The following KNG1 variants were observed in gnomAD, a reference collection of about 807,000 sequenced individuals.
The protein encoded by KNG1 is kininogen 1.
KNG1 carries 23 observed loss-of-function variants against 47.8 expected under a neutral mutation model. That is an observed-to-expected ratio of 0.48 (90% CI 0.35 to 0.68). The LOEUF is 0.68. Among genes scored for constraint, KNG1 ranks in the 30% least tolerant of loss-of-function variants. The pLI is 0.01. For synonymous variants in KNG1, 277 were observed against 277.0 expected (o/e 1.00, Z 0.00); for missense variants, 762 against 790.2 (o/e 0.96, Z 0.43).
intron 7 of KNG1, chr3:186,738,892 C>A: frequency 1.9e-6 from 1 of 536,992 alleles, no homozygotes; most frequent in Non-Finnish European, 3.3e-6. Context: ...TTTCTTCCCC[C>A]ACTTAGAAAA....
In KNG1 at chr3:186,730,725, CACACATATATATAT is replaced by C. The variant is rs71167006; in HGVS notation, c.673-786_673-773del. Among the ~76,000 whole-genome samples, 93 of 45,854 alleles carry C rather than the reference CACACATATATATAT, an allele frequency of 2.0e-3. 1 individual carries two copies. The highest frequency in any genetic ancestry group is 4.8e-3 in the South Asian group (5 of 1,046). 30.1% of individuals were successfully genotyped at this position (45,854 alleles called of 152,430 possible). A position where few individuals can be genotyped will look rare whatever the true frequency, so the allele number is the denominator to read the frequency against. ...ATATATATATATATATACACACACA[CACACATATATATAT>C]ACACATATATATATACACATATATA... On this transcript the variant is annotated intron_variant, in intron 5 of 9. Transcript: ENST00000644859.
rs769517209 is a variant in KNG1 at position 186,741,838 on chromosome 3, A to C, written c.1442A>C (p.Asp481Ala). The C allele has an allele frequency of 1.9e-6, 3 of 1,613,776 alleles. No individual in the cohort carries two copies. The South Asian group carries it at 3.3e-5, about 18-fold the overall frequency. ...CATGGACATAAGTTCAAACTTGATGATGATCTTGAACACCAAGGGGGCCAT... is the reference window on the plus strand; with the variant it reads ...CATGGACATAAGTTCAAACTTGATGCTGATCTTGAACACCAAGGGGGCCAT... The part of the protein sequence containing the change: ...LGHGHKFKLD[D>A]DLEHQGGHVL... Residue 481 changes from aspartate (D) to alanine (A), a missense_variant, in exon 10 of 10, where the codon GAT becomes GCT. By Grantham distance (126) the Asp-to-Ala change is moderately radical. Coordinates refer to ENST00000644859, the MANE Select transcript of KNG1 (RefSeq NM_001102416.3).
At chr3:186,732,972 G>A (rs5030047) in intron 7 of KNG1, among the ~76,000 whole-genome samples, 51,291 of 152,032 alleles carry the variant, frequency 0.34, 8,834 homozygotes, top group Middle Eastern at 0.42. Flanking sequence ...TAGCAGCTGG[G>A]CGCGGTGGCT....
At chr3:186,731,227 C>T (rs1361710584) in intron 5 of KNG1, among the ~76,000 whole-genome samples, 1 of 152,032 alleles carries the variant, frequency 6.6e-6, no homozygotes, top group Non-Finnish European at 1.5e-5. Context: ...AACTGTAATA[C>T]ATTGATTTGG....
At position 186,733,686 on chromosome 3, in the gene KNG1, T is replaced by C. The variant is rs5030053; in HGVS notation, c.930+1012T>C. ...TGACTGTATTAGAAGAGCCTACATT[T>C]TGCCGGGCAGAGTGCCTCATGCCTA... On this transcript the variant is annotated intron_variant, in intron 7 of 9. Coordinates refer to ENST00000644859, the MANE Select transcript of KNG1 (RefSeq NM_001102416.3). Among the ~76,000 whole-genome samples the C allele has an allele frequency of 2.5e-3, 383 of 152,216 alleles. 1 individual carries two copies. The highest frequency in any genetic ancestry group is 9.0e-3 in the African/African-American group (372 of 41,538).
In KNG1 at chr3:186,744,008, CAG is replaced by C; in HGVS notation, c.*1682_*1683del. On this transcript the variant is annotated 3_prime_UTR_variant, in exon 10 of 10. Coordinates refer to ENST00000644859, the MANE Select transcript of KNG1 (RefSeq NM_001102416.3). ...CATTCTGCAGCAAATTCCAGCTGGT[CAG>C]AGAGTCAGTGCTGTGGCTCTGCCAT... The C allele has an allele frequency of 1.2e-5, 7 of 587,160 alleles. No individual in the cohort carries two copies. Among genetic ancestry groups the C allele is most frequent in the Non-Finnish European group, 2.2e-5 (7 of 320,820 alleles). The allele number at this position is 587,160 out of a possible 1,614,324, so 36.4% of individuals were successfully genotyped here.
rs756118024 is a variant in KNG1, at chr3:186,741,567, T to A, written c.1171T>A (p.Ser391Thr). The A allele has an allele frequency of 4.2e-5, 68 of 1,610,506 alleles. No homozygotes were observed. In the Admixed American group the frequency reaches 1.1e-3, roughly 26 times the overall value. ...RPPGFSPFRS[S>T]RIGEIKEETT... ...TCCAGGTTTTTCACCTTTCCGATCA[T>A]CACGAATAGGGGAAATAAAAGAAGA... Residue 391 changes from serine (S) to threonine (T), a missense_variant, in exon 10 of 10, where the codon TCA becomes ACA. Physicochemically the swap from Ser to Thr is moderately conservative, Grantham distance 58. Transcript: ENST00000644859.
rs1289302020 is a variant in KNG1, at chr3:186,743,734, T to C, written c.*1403T>C. Reference sequence around the variant, plus strand: ...ACCTAAGGTCCTGCGAGTACAAGGGTCGACCCCCAAAGGCAGGGGCAGAGC... The same window carrying C: ...ACCTAAGGTCCTGCGAGTACAAGGGCCGACCCCCAAAGGCAGGGGCAGAGC... On this transcript the variant is annotated 3_prime_UTR_variant, in exon 10 of 10. Transcript: ENST00000644859. The C allele has an allele frequency of 1.9e-6, 3 of 1,613,890 alleles. No individual in the cohort carries two copies. In the African/African-American group the frequency reaches 4.0e-5, roughly 22 times the overall value.
At chr3:186,739,762 A>T (rs1366896095) in intron 9 of KNG1, among the ~76,000 whole-genome samples, 1 of 152,210 alleles carries the variant, frequency 6.6e-6, no homozygotes, top group Admixed American at 6.5e-5. Flanking sequence ...ACCATGTGAA[A>T]AATGCATGGC....
intron 7 of KNG1, chr3:186,738,804 C>T (rs1720730395): frequency 3.0e-6 from 1 of 330,776 alleles, no homozygotes; most frequent in East Asian, 8.2e-5. Flanking sequence ...CGAGATCGTG[C>T]CACTGCACTC....
At chr3:186,721,830 G>C (rs1720208475) in intron 2 of KNG1, 1 of 154,852 alleles carries the variant, frequency 6.5e-6, no homozygotes, top group African/African-American at 2.4e-5. Flanking sequence ...TAGCTCCAGA[G>C]CTCAGCCAGG....
Position 186,742,001 on chromosome 3 carries a change from T to G in KNG1, c.1605T>G (p.Ser535=). Residue 535 remains serine, a synonymous_variant, in exon 10 of 10, where the codon TCT becomes TCG. Coordinates refer to ENST00000644859, the MANE Select transcript of KNG1 (RefSeq NM_001102416.3). ...ASSSEDSTTP[S]AQTQEKTEGP... The stretch of plus-strand genomic sequence containing the variant: ...CTTCTGAAGACAGTACTACACCTTC[T>G]GCACAGACACAAGAGAAGACAGAAG... 1 of 1,614,230 alleles carries G rather than the reference T, an allele frequency of 6.2e-7. No individual in the cohort carries two copies.
intron 4 of KNG1, among the ~76,000 whole-genome samples, chr3:186,725,543 A>AT (rs71167003): frequency 0.031 from 2,739 of 87,696 alleles, 354 homozygotes; most frequent in Non-Finnish European, 0.041. Context: ...CGGCCTTAGG[A>AT]TTTTTTTTTT....
At chr3:186,725,533 C>T (rs539672179) in intron 4 of KNG1, among the ~76,000 whole-genome samples, 66 of 101,868 alleles carry the variant, frequency 6.5e-4, no homozygotes, top group African/African-American at 2.0e-3. Flanking sequence ...AAAGTCATAC[C>T]GGCCTTAGGA....
In KNG1 at chr3:186,722,474, G is replaced by A. The variant is rs760595120; in HGVS notation, c.344G>A (p.Ser115Asn). ...GECTATVGKR[S>N]STKFSVATQT... ...TGCACGGCAACCGTGGGGAAGAGGA[G>A]CAGTACGAAATTCTCCGTGGCTACC... The change falls in exon 3 of 10, where the codon AGC (serine) becomes AAC (asparagine). Residue 115 changes from serine to asparagine, a missense_variant. By Grantham distance (46) the Ser-to-Asn change is conservative. Coordinates refer to ENST00000644859, the MANE Select transcript of KNG1 (RefSeq NM_001102416.3). 1.9e-5 allele frequency: 31 copies of A among 1,613,906 alleles called. No homozygotes were observed. The highest frequency in any genetic ancestry group is 2.6e-5 in the Non-Finnish European group (31 of 1,179,944).
chr3:186,739,252 G>T (rs1720744599), intron 8 of KNG1, 46 bp downstream of exon 8: 1 of 1,582,616 alleles, frequency 6.3e-7, no homozygotes, highest in South Asian at 1.1e-5. Flanking sequence ...AAGCCTATTT[G>T]ATGTTTTTAG....
At chr3:186,717,874 C>A in intron 1 of KNG1, 137 bp downstream of exon 1, 2 of 301,318 alleles carry the variant, frequency 6.6e-6, no homozygotes, top group Non-Finnish European at 1.2e-5. Context: ...CACCCACCAC[C>A]ACCACCACAA....
chr3:186,725,396 A>G lies in KNG1; in HGVS notation c.564+136A>G, dbSNP rs1649754189. The stretch of plus-strand genomic sequence containing the variant: ...AAGCGAAGAGCTTTCTCCTTAGTCA[A>G]AGTGAGTCGGATAGTGCAATATGTA... On this transcript the variant is annotated intron_variant, in intron 4 of 9. Coordinates refer to ENST00000644859, the MANE Select transcript of KNG1 (RefSeq NM_001102416.3). 4.9e-6 allele frequency: 4 copies of G among 822,824 alleles called. No individual in the cohort carries two copies. In the Admixed American group the frequency reaches 7.8e-5, roughly 16 times the overall value. The allele number at this position is 822,824 out of a possible 1,614,324, so 51.0% of individuals were successfully genotyped here. A position where few individuals can be genotyped will look rare whatever the true frequency, so the allele number is the denominator to read the frequency against.
At chr3:186,730,637 C>G (rs1179811437) in intron 5 of KNG1, among the ~76,000 whole-genome samples, 1 of 104,694 alleles carries the variant, frequency 9.6e-6, no homozygotes, top group African/African-American at 3.6e-5. Flanking sequence ...GCCTTGGCGA[C>G]AAAGAGAGAC....
Sources: allele counts gnomAD v4.1 joint callset (sites outside exome capture counted in the v4.1 genomes callset), GRCh38; gene constraint gnomAD v4.1.1; transcripts MANE v1.5; gene names NCBI Gene and HGNC (gene_info 2026-07-23, HGNC 2026-07-21).